Variants in CTNND2 observed in about 807,000 individuals in gnomAD.
CTNND2 encodes the protein catenin delta-2.
CTNND2 carries 22 observed loss-of-function variants against 144.4 expected under a neutral mutation model. That is an observed-to-expected ratio of 0.15 (90% confidence interval 0.11 to 0.22). CTNND2 has a LOEUF of 0.22. CTNND2 is among the 10% of genes least tolerant of loss of function. The pLI, the probability that CTNND2 is intolerant of heterozygous loss-of-function variation, is 1.00. For synonymous variants in CTNND2, 751 were observed against 695.6 expected (o/e 1.08, Z -1.25); for missense variants, 1,353 against 1,618.8 (o/e 0.84, Z 2.82).
intron 9 of CTNND2, among the ~76,000 whole-genome samples, chr5:11,287,432 T>C (rs1352116105): frequency 6.6e-6 from 1 of 152,214 alleles, no homozygotes; most frequent in Non-Finnish European, 1.5e-5. Flanking sequence ...CAGAGGCCAA[T>C]TCCTTAAAAT....
intron 9 of CTNND2, among the ~76,000 whole-genome samples, chr5:11,320,206 ACT>A (rs1407987239): frequency 2.6e-5 from 4 of 152,124 alleles, no homozygotes; most frequent in Non-Finnish European, 5.9e-5. Context: ...ATTTTGTGTA[ACT>A]CTCTTTTTTC....
chr5:11,628,850 C>T (rs1781282119), intron 2 of CTNND2, among the ~76,000 whole-genome samples: 1 of 152,016 alleles, frequency 6.6e-6, no homozygotes. Flanking sequence ...TTGGAATGCA[C>T]AGAGAACGGC....
At chr5:11,160,132 T>C (rs1409879354) in intron 11 of CTNND2, among the ~76,000 whole-genome samples, 1 of 152,246 alleles carries the variant, frequency 6.6e-6, no homozygotes, top group Non-Finnish European at 1.5e-5. Flanking sequence ...AATGGACTAG[T>C]AGAGCATCTT....
At position 11,306,170 on chromosome 5, in the gene CTNND2, GT is replaced by G. The variant is rs371679260; in HGVS notation, c.1628+40201del. ...TGATTAGAAGAAAGCAAGACTGAAA[GT>G]GCGGAGAAGCCAGTTAGGAGGCTCT... On this transcript the variant is annotated intron_variant, in intron 9 of 21. Coordinates refer to ENST00000304623, the MANE Select transcript of CTNND2 (RefSeq NM_001332.4). Among the ~76,000 whole-genome samples, 967 of 152,322 alleles carry G rather than the reference GT, an allele frequency of 6.3e-3. 7 individuals carry two copies. Among genetic ancestry groups the G allele is most frequent in the African/African-American group, 0.022 (928 of 41,570 alleles).
At chr5:11,318,910 A>G (rs1751763992) in intron 9 of CTNND2, among the ~76,000 whole-genome samples, 1 of 148,220 alleles carries the variant, frequency 6.7e-6, no homozygotes, top group Non-Finnish European at 1.5e-5. Context: ...AAAAACATAT[A>G]GAAATGTCTA....
At chr5:11,297,895 G>A (rs1156854038) in intron 9 of CTNND2, among the ~76,000 whole-genome samples, 1 of 152,060 alleles carries the variant, frequency 6.6e-6, no homozygotes, top group East Asian at 1.9e-4. Flanking sequence ...AAAGTGACAA[G>A]ACAAAATGAA....
chr5:11,005,327 T>C (rs964957184), intron 18 of CTNND2, among the ~76,000 whole-genome samples: 1 of 152,184 alleles, frequency 6.6e-6, no homozygotes, highest in Non-Finnish European at 1.5e-5. Flanking sequence ...TGAGCAGGAC[T>C]TTGTGAGAAA....
chr5:11,900,088 CA>C (rs1256477356), intron 1 of CTNND2, among the ~76,000 whole-genome samples: 2 of 152,014 alleles, frequency 1.3e-5, no homozygotes, highest in East Asian at 1.9e-4. Flanking sequence ...TAAAATGTTT[CA>C]ATATATGTAA....
chr5:11,330,744 C>A (rs1753050683), intron 9 of CTNND2, among the ~76,000 whole-genome samples: 2 of 149,906 alleles, frequency 1.3e-5, no homozygotes, highest in African/African-American at 2.5e-5. Context: ...GATAGCACCA[C>A]TGAACTCCCA....
chr5:10,978,744 G>T (rs1293542895), intron 21 of CTNND2, among the ~76,000 whole-genome samples: 1 of 152,214 alleles, frequency 6.6e-6, no homozygotes, highest in Non-Finnish European at 1.5e-5. Context: ...CAGTGGCCTT[G>T]GTGTTTCACT....
At chr5:11,694,831 C>T (rs968306987) in intron 2 of CTNND2, among the ~76,000 whole-genome samples, 7 of 152,052 alleles carry the variant, frequency 4.6e-5, no homozygotes, top group East Asian at 1.9e-4. Context: ...CCAATCAGTA[C>T]GTGCTGAAAA....
chr5:11,882,536 T>TA (rs1437939691), intron 1 of CTNND2, among the ~76,000 whole-genome samples: 1 of 152,094 alleles, frequency 6.6e-6, no homozygotes, highest in African/African-American at 2.4e-5. Flanking sequence ...CAGCATTTAT[T>TA]AAAAAGCATG....
chr5:11,331,036 C>G (rs1032791906), intron 9 of CTNND2, among the ~76,000 whole-genome samples: 1 of 152,142 alleles, frequency 6.6e-6, no homozygotes, highest in African/African-American at 2.4e-5. Flanking sequence ...GCAAGGCACC[C>G]TACAGAAACG....
At chr5:11,883,365 T>C (rs1400879200) in intron 1 of CTNND2, among the ~76,000 whole-genome samples, 1 of 152,072 alleles carries the variant, frequency 6.6e-6, no homozygotes, top group Admixed American at 6.6e-5. Context: ...CAGCATGTAA[T>C]GTTCCTCTCC....
chr5:11,376,094 T>TA (rs1757899676), intron 7 of CTNND2, among the ~76,000 whole-genome samples: 1 of 152,052 alleles, frequency 6.6e-6, no homozygotes, highest in Non-Finnish European at 1.5e-5. Flanking sequence ...AGCCGAAAAG[T>TA]GGACCCTCAT....
rs565605963 is a variant in CTNND2 at position 11,622,849 on chromosome 5, T to G, written c.175-57793A>C. ...GCAAGTAAAACTAATATCATTCACA[T>G]TAATTTCAGAATGATTAAAACAACT... On this transcript the variant is annotated intron_variant, in intron 2 of 21. Coordinates refer to ENST00000304623, the MANE Select transcript of CTNND2 (RefSeq NM_001332.4). Among the ~76,000 whole-genome samples the G allele has an allele frequency of 6.6e-5, 10 of 152,278 alleles. No individual in the cohort carries two copies. In the East Asian group the frequency reaches 1.7e-3, roughly 26 times the overall value.
At chr5:11,112,723 C>G (rs970976609) in intron 13 of CTNND2, among the ~76,000 whole-genome samples, 2 of 152,338 alleles carry the variant, frequency 1.3e-5, no homozygotes, top group Non-Finnish European at 2.9e-5. Flanking sequence ...AGGATGGGAT[C>G]TAGGGCTAGC....
At chr5:11,042,466 T>G (rs964805848) in intron 16 of CTNND2, among the ~76,000 whole-genome samples, 8 of 152,218 alleles carry the variant, frequency 5.3e-5, no homozygotes, top group African/African-American at 1.7e-4. Context: ...TGTAATTATT[T>G]GCTTAAAATT....
At chr5:11,241,360 T>A (rs919652108) in intron 9 of CTNND2, among the ~76,000 whole-genome samples, 1 of 151,722 alleles carries the variant, frequency 6.6e-6, no homozygotes, top group African/African-American at 2.4e-5. Context: ...TGAAAGGGAG[T>A]GAAGGAGAAA....
Sources: allele counts gnomAD v4.1 joint callset (sites outside exome capture counted in the v4.1 genomes callset), GRCh38; gene constraint gnomAD v4.1.1; transcripts MANE v1.5; gene names NCBI Gene and HGNC (gene_info 2026-07-23, HGNC 2026-07-21).